The following LRMDA variants were observed in gnomAD, a reference collection of about 807,000 sequenced individuals.
LRMDA encodes leucine-rich melanocyte differentiation-associated protein.
LRMDA carries 18 observed loss-of-function variants against 29.8 expected under a neutral mutation model. The observed-to-expected ratio is 0.60, with a 90% CI of 0.42 to 0.90. The LOEUF is 0.90. Ranked by LOEUF, LRMDA falls within the 40% of genes least tolerant of loss-of-function variation. LRMDA has a pLI of 0.00. For missense variants in LRMDA, 273 were observed against 273.9 expected, an observed-to-expected ratio of 1.00 and a Z score of 0.02; for synonymous variants, 125 against 109.4, an observed-to-expected ratio of 1.14 and a Z score of -0.89.
chr10:75,666,568 CTAAA>C (rs1224028361), intron 2 of LRMDA, among the ~76,000 whole-genome samples: 1 of 151,828 alleles, frequency 6.6e-6, no homozygotes, highest in Non-Finnish European at 1.5e-5. Context: ...TAACTATGAA[CTAAA>C]TAGTTTGAAA....
At chr10:75,846,488 T>C (rs1361835133) in intron 2 of LRMDA, among the ~76,000 whole-genome samples, 1 of 152,184 alleles carries the variant, frequency 6.6e-6, no homozygotes, top group Non-Finnish European at 1.5e-5. Flanking sequence ...ATCTAACTAA[T>C]GTCACTGAAA....
In LRMDA at chr10:76,137,835, C is replaced by T. The variant is rs932157887; in HGVS notation, c.516+79052C>T. Among the ~76,000 whole-genome samples, 41 of 150,804 alleles carry T rather than the reference C, an allele frequency of 2.7e-4. 1 individual carries two copies. The highest frequency in any genetic ancestry group is 9.8e-4 in the African/African-American group (40 of 40,988). On this transcript the variant is annotated intron_variant, in intron 5 of 6. Coordinates refer to ENST00000611255, the MANE Select transcript of LRMDA (RefSeq NM_001305581.2). ...ACTTGGGGTGACAATGTGTCGGAAT[C>T]CTGGCAAGGCTGAATGTCCCTTTAA...
chr10:75,806,405 G>A (rs1462224173), intron 2 of LRMDA, among the ~76,000 whole-genome samples: 2 of 152,156 alleles, frequency 1.3e-5, no homozygotes. Context: ...ATCTGGACTA[G>A]TTCTGAAATT....
At chr10:75,801,689 G>A (rs1396726737) in intron 2 of LRMDA, among the ~76,000 whole-genome samples, 1 of 152,226 alleles carries the variant, frequency 6.6e-6, no homozygotes, top group Admixed American at 6.5e-5. Flanking sequence ...GGGCTGGAAT[G>A]AAGTTTACAT....
intron 2 of LRMDA, among the ~76,000 whole-genome samples, chr10:75,656,454 T>C (rs1589148228): frequency 6.6e-6 from 1 of 152,220 alleles, no homozygotes; most frequent in East Asian, 1.9e-4. Flanking sequence ...TATTGTTCTC[T>C]TACTTGAGGA....
chr10:76,141,962 C>A (rs1425372355), intron 5 of LRMDA, among the ~76,000 whole-genome samples: 1 of 152,072 alleles, frequency 6.6e-6, no homozygotes, highest in Non-Finnish European at 1.5e-5. Flanking sequence ...GATGCATTTA[C>A]ATGTTGCCCC....
intron 2 of LRMDA, among the ~76,000 whole-genome samples, chr10:75,595,461 G>A (rs1007115771): frequency 6.6e-6 from 1 of 151,606 alleles, no homozygotes; most frequent in Non-Finnish European, 1.5e-5. Context: ...AATACTGACA[G>A]CTATGTTTTG....
intron 6 of LRMDA, among the ~76,000 whole-genome samples, chr10:76,445,469 A>G (rs1842345812): frequency 6.6e-6 from 1 of 152,142 alleles, no homozygotes. Flanking sequence ...GGCATCACGG[A>G]TGTTTATTTG....
At chr10:75,542,771 G>A (rs1040146108) in intron 2 of LRMDA, among the ~76,000 whole-genome samples, 3 of 152,280 alleles carry the variant, frequency 2.0e-5, no homozygotes, top group African/African-American at 7.2e-5. Flanking sequence ...ATGTCATATG[G>A]GAGACACATG....
chr10:76,222,340 A>G (rs1165298013), intron 5 of LRMDA, among the ~76,000 whole-genome samples: 107 of 152,274 alleles, frequency 7.0e-4, no homozygotes, highest in African/African-American at 2.5e-3. Context: ...GCAACCTACA[A>G]AATGGGAGAA....
At chr10:75,503,716 AT>A (rs947406464) in intron 2 of LRMDA, among the ~76,000 whole-genome samples, 3 of 151,802 alleles carry the variant, frequency 2.0e-5, no homozygotes, top group African/African-American at 4.8e-5. Flanking sequence ...TTCCTCTGGG[AT>A]TTTTTTTGAT....
chr10:75,738,265 G>C (rs1208884953), intron 2 of LRMDA, among the ~76,000 whole-genome samples: 2 of 151,800 alleles, frequency 1.3e-5, no homozygotes, highest in Non-Finnish European at 2.9e-5. Context: ...GGTGGGGCTG[G>C]TGCTGGCCCC....
intron 2 of LRMDA, among the ~76,000 whole-genome samples, chr10:75,595,087 T>C (rs567894241): frequency 5.9e-5 from 9 of 152,366 alleles, no homozygotes; most frequent in African/African-American, 2.2e-4. Flanking sequence ...AATTTTATTA[T>C]GTGAAAATTT....
intron 5 of LRMDA, among the ~76,000 whole-genome samples, chr10:76,074,213 G>C (rs575892595): frequency 6.6e-6 from 1 of 152,296 alleles, no homozygotes; most frequent in African/African-American, 2.4e-5. Flanking sequence ...AACTAAATAT[G>C]AAGTTTTCAG....
At chr10:76,018,472 A>C (rs1458043087) in intron 2 of LRMDA, among the ~76,000 whole-genome samples, 1 of 151,988 alleles carries the variant, frequency 6.6e-6, no homozygotes, top group Non-Finnish European at 1.5e-5. Flanking sequence ...ATGCACAGAC[A>C]TGTCGTATTA....
chr10:76,135,147 A>T (rs1299855083), intron 5 of LRMDA, among the ~76,000 whole-genome samples: 2 of 152,220 alleles, frequency 1.3e-5, no homozygotes, highest in Non-Finnish European at 2.9e-5. Context: ...AGCATGAATT[A>T]TACTATACAG....
chr10:75,750,721 C>CG (rs1417056833), intron 2 of LRMDA, among the ~76,000 whole-genome samples: 5 of 114,126 alleles, frequency 4.4e-5, no homozygotes, highest in South Asian at 3.1e-4. Flanking sequence ...CCAGACGGGG[C>CG]GGGGGGGCAG....
At chr10:75,559,028 G>A (rs1295478438) in intron 2 of LRMDA, among the ~76,000 whole-genome samples, 2 of 150,146 alleles carry the variant, frequency 1.3e-5, no homozygotes, top group African/African-American at 2.4e-5. Context: ...ATGATTTATA[G>A]TCCTTTGGGT....
chr10:76,264,048 T>G (rs1839974637), intron 5 of LRMDA, among the ~76,000 whole-genome samples: 1 of 152,156 alleles, frequency 6.6e-6, no homozygotes, highest in Non-Finnish European at 1.5e-5. Flanking sequence ...CTGAGTTCAT[T>G]TACTTTTTAT....
Sources: allele counts gnomAD v4.1 joint callset (sites outside exome capture counted in the v4.1 genomes callset), GRCh38; gene constraint gnomAD v4.1.1; transcripts MANE v1.5; gene names NCBI Gene and HGNC (gene_info 2026-07-23, HGNC 2026-07-21).